OLAH: variants seen among roughly 807,000 people sequenced by gnomAD.
OLAH encodes the protein S-acyl fatty acid synthase thioesterase, medium chain.
OLAH carries 33 observed loss-of-function variants against 27.8 expected under a neutral mutation model. That is an observed-to-expected ratio of 1.19 (90% CI 0.90 to 1.59). The LOEUF (loss-of-function observed/expected upper bound fraction) is 1.59, where lower values mean the gene tolerates loss of function less well. Among genes scored for constraint, OLAH ranks in the 40% most tolerant of loss-of-function variants. The pLI is 0.00. For missense variants in OLAH, 359 were observed against 310.8 expected (o/e 1.16, Z -1.17); for synonymous variants, 120 against 102.9 (o/e 1.17, Z -1.01).
At chr10:15,044,224 T>C (rs1341487636) in intron 1 of OLAH, among the ~76,000 whole-genome samples, 1 of 152,126 alleles carries the variant, frequency 6.6e-6, no homozygotes, top group Non-Finnish European at 1.5e-5. Context: ...TCCCTTGCCT[T>C]TTCTCAGTTC....
chr10:15,058,499 T>C (rs560714788), intron 3 of OLAH, among the ~76,000 whole-genome samples: 116 of 152,362 alleles, frequency 7.6e-4, no homozygotes, highest in African/African-American at 2.7e-3. Flanking sequence ...TCCTCTCTCT[T>C]GACCTTTGTG....
At chr10:15,069,319 G>A (rs969151111) in intron 6 of OLAH, among the ~76,000 whole-genome samples, 1 of 152,132 alleles carries the variant, frequency 6.6e-6, no homozygotes, top group Non-Finnish European at 1.5e-5. Flanking sequence ...CCCTTCCTCA[G>A]GGGTAGAGGG....
intron 5 of OLAH, 29 bp downstream of exon 5, chr10:15,064,531 G>A (rs1425905880): frequency 7.7e-7 from 1 of 1,298,820 alleles, no homozygotes; most frequent in East Asian, 2.5e-5. Flanking sequence ...TCCTAGGAAG[G>A]GCAGTGGAGA....
At chr10:15,049,822 A>G in intron 3 of OLAH, 57 bp downstream of exon 3, 1 of 1,526,238 alleles carries the variant, frequency 6.6e-7, no homozygotes, top group Non-Finnish European at 8.8e-7. Context: ...ACATAAATGT[A>G]TTAGAATTTG....
chr10:15,047,522 C>T, intron 2 of OLAH: 1 of 566,124 alleles, frequency 1.8e-6, no homozygotes, highest in Non-Finnish European at 3.2e-6. Flanking sequence ...TGGCAAAACC[C>T]TGTCTCTACT....
Position 15,032,636 on chromosome 10 carries a change from A to G in OLAH, c.-164+286A>G, listed in dbSNP as rs868763187. On this transcript the variant is annotated intron_variant, in intron 1 of 3. Transcript: ENST00000413672. ...ACTCAGTTTCAAAAAAAAAAAAAAAAAAAGAAAAACATCGCACAGGGAATT... is the reference window on the plus strand; with the variant it reads ...ACTCAGTTTCAAAAAAAAAAAAAAAGAAAGAAAAACATCGCACAGGGAATT... 8.5e-3 allele frequency among the ~76,000 whole-genome samples: 1,290 copies of G among 151,762 alleles called. 17 individuals are homozygous for G. The highest frequency in any genetic ancestry group is 0.025 in the African/African-American group (1,021 of 41,408).
At chr10:15,059,158 C>T (rs1231001838) in intron 3 of OLAH, among the ~76,000 whole-genome samples, 9 of 87,278 alleles carry the variant, frequency 1.0e-4, no homozygotes, top group African/African-American at 3.7e-4. Flanking sequence ...CCTCCCTCTC[C>T]CCTTCCCTTT....
chr10:15,062,109 A>G (rs1418506650), intron 4 of OLAH: 5 of 367,076 alleles, frequency 1.4e-5, no homozygotes, highest in Non-Finnish European at 2.4e-5. Flanking sequence ...CTTACATTCT[A>G]TTTATTTTTG....
At position 15,065,723 on chromosome 10, in the gene OLAH, G is replaced by A. The variant is rs1411935718; in HGVS notation, c.542G>A (p.Arg181Lys). The A allele has an allele frequency of 3.7e-6, 6 of 1,611,344 alleles. No homozygotes were observed. Among genetic ancestry groups the A allele is most frequent in the African/African-American group, 2.7e-5 (2 of 74,774 alleles). ...EFVKQCSPII[R>K]ADLNIVRSCT... ...GTGAAACAATGTAGTCCCATCATAA[G>A]GGCAGATCTGAACATTGTTAGAAGT... The change falls in exon 6 of 8, where the codon AGG becomes AAG. Residue 181 changes from arginine to lysine, a missense_variant. Physicochemically the swap from Arg to Lys is conservative, Grantham distance 26 (BLOSUM62 2). Coordinates refer to ENST00000378228, the MANE Select transcript of OLAH (RefSeq NM_001039702.3).
chr10:15,061,506 T>G (rs1844362364), intron 3 of OLAH, among the ~76,000 whole-genome samples: 1 of 151,920 alleles, frequency 6.6e-6, no homozygotes, highest in African/African-American at 2.4e-5. Flanking sequence ...TTCTTCTAGG[T>G]GTTCCCTTTA....
intron 3 of OLAH, among the ~76,000 whole-genome samples, chr10:15,053,850 G>A (rs896972170): frequency 2.0e-5 from 3 of 151,860 alleles, no homozygotes; most frequent in African/African-American, 7.3e-5. Flanking sequence ...AACTAGCTGG[G>A]AACACAAGCA....
In OLAH at chr10:15,049,668, C is replaced by A. The variant is rs764693981; in HGVS notation, c.66C>A (p.Asn22Lys). The A allele has an allele frequency of 1.4e-5, 23 of 1,603,832 alleles. No homozygotes were observed. The highest frequency in any genetic ancestry group is 1.4e-5 in the Non-Finnish European group (17 of 1,177,100). Residue 22 changes from asparagine (N) to lysine (K), a missense_variant, in exon 3 of 8, where the codon AAC becomes AAA. Coordinates refer to ENST00000378228, the MANE Select transcript of OLAH (RefSeq NM_001039702.3). The stretch of plus-strand genomic sequence containing the variant: ...ACATTTTCAACTGCTTATACAAAAA[C>A]CCTGAGGCAACTTTTAAGCTGATTT... ...NENIFNCLYKNPEATFKLICF... is the reference protein window; with the variant it reads ...NENIFNCLYKKPEATFKLICF...
chr10:15,050,302 C>A (rs943082462), intron 3 of OLAH, among the ~76,000 whole-genome samples: 2 of 152,138 alleles, frequency 1.3e-5, no homozygotes, highest in Non-Finnish European at 2.9e-5. Flanking sequence ...GAGTCTTGCT[C>A]TGTCACCCAG....
intron 1 of OLAH, among the ~76,000 whole-genome samples, chr10:15,033,302 G>T (rs4644566): frequency 0.46 from 69,275 of 151,934 alleles, 16,233 homozygotes; most frequent in East Asian, 0.7. Context: ...TGGACTGACT[G>T]AATTGAGATA....
chr10:15,045,414 C>G (rs990133813), intron 1 of OLAH, among the ~76,000 whole-genome samples: 3 of 152,148 alleles, frequency 2.0e-5, no homozygotes, highest in African/African-American at 7.2e-5. Flanking sequence ...GAAGAACTTG[C>G]TCTCTTTTTC....
intron 6 of OLAH, among the ~76,000 whole-genome samples, chr10:15,067,741 G>A (rs759018876): frequency 1.3e-5 from 2 of 151,936 alleles, no homozygotes; most frequent in Non-Finnish European, 2.9e-5. Flanking sequence ...TCTCTCCCAC[G>A]TCCTCGTTAT....
intron 3 of OLAH, among the ~76,000 whole-genome samples, chr10:15,053,759 G>T (rs1564529670): frequency 6.6e-6 from 1 of 151,678 alleles, no homozygotes; most frequent in Non-Finnish European, 1.5e-5. Context: ...CTGTTGCCCA[G>T]GCTGGAGTGT....
intron 3 of OLAH, among the ~76,000 whole-genome samples, chr10:15,051,451 C>G (rs1012016317): frequency 6.6e-6 from 1 of 152,240 alleles, no homozygotes; most frequent in African/African-American, 2.4e-5. Flanking sequence ...GATCTAATGG[C>G]TGCAAGCCTT....
chr10:15,067,188 T>A (rs924162003), intron 6 of OLAH, among the ~76,000 whole-genome samples: 1 of 152,188 alleles, frequency 6.6e-6, no homozygotes, highest in African/African-American at 2.4e-5. Flanking sequence ...AACTGAGAAG[T>A]AATCCAAATC....
Sources: gnomAD v4.1 joint callset for allele counts (sites outside exome capture counted in the v4.1 genomes callset) on GRCh38, gnomAD v4.1.1 for gene constraint, MANE v1.5 for transcripts, NCBI Gene and HGNC (gene_info 2026-07-23, HGNC 2026-07-21) for gene names.